The following ADAMTS6 variants were observed in gnomAD, a reference collection of about 807,000 sequenced individuals.
ADAMTS6 encodes A disintegrin and metalloproteinase with thrombospondin motifs 6.
ADAMTS6 carries 23 observed loss-of-function variants against 144.3 expected under a neutral mutation model. The ratio of observed to expected loss-of-function variants is 0.16; its 90% confidence interval spans 0.11 to 0.23. The LOEUF is 0.23. ADAMTS6 is among the 10% of genes least tolerant of loss of function. ADAMTS6 has a pLI of 1.00. For synonymous variants in ADAMTS6, 444 were observed against 457.5 expected, an observed-to-expected ratio of 0.97 and a Z score of 0.38; for missense variants, 999 against 1,379.6, an observed-to-expected ratio of 0.72 and a Z score of 4.37.
At chr5:65,321,429 C>G (rs1745603126) in intron 9 of ADAMTS6, among the ~76,000 whole-genome samples, 1 of 151,872 alleles carries the variant, frequency 6.6e-6, no homozygotes. Flanking sequence ...CTTATATAGG[C>G]TGTATATTAG....
At chr5:65,456,574 A>G (rs1188311308) in intron 4 of ADAMTS6, among the ~76,000 whole-genome samples, 3 of 152,144 alleles carry the variant, frequency 2.0e-5, no homozygotes, top group Non-Finnish European at 4.4e-5. Context: ...TTTCCTCACT[A>G]GAATATAAAC....
intron 7 of ADAMTS6, among the ~76,000 whole-genome samples, chr5:65,382,866 T>C (rs973276761): frequency 1.3e-5 from 2 of 152,204 alleles, no homozygotes; most frequent in African/African-American, 4.8e-5. Context: ...GGGTAATTTA[T>C]AAACAACAGA....
chr5:65,445,244 C>T (rs1347130373), intron 7 of ADAMTS6, among the ~76,000 whole-genome samples: 1 of 152,156 alleles, frequency 6.6e-6, no homozygotes, highest in Non-Finnish European at 1.5e-5. Flanking sequence ...ATAGGTAATG[C>T]CTGAGATAAC....
At position 65,214,242 on chromosome 5, in the gene ADAMTS6, C is replaced by T. The variant is rs1756734405; in HGVS notation, c.2575+552G>A. The T allele has an allele frequency of 5.5e-6, 1 of 182,846 alleles. No individual in the cohort carries two copies. The highest frequency in any genetic ancestry group is 2.4e-5 in the African/African-American group (1 of 41,758). 11.3% of individuals were successfully genotyped at this position (182,846 alleles called of 1,614,324 possible). A position where few individuals can be genotyped will look rare whatever the true frequency, so the allele number is the denominator to read the frequency against. ...CCGCCTAGCAGCTACCTCTGAGGGACTGTAATGGGGTCAGTATACACCATT... is the reference window on the plus strand; with the variant it reads ...CCGCCTAGCAGCTACCTCTGAGGGATTGTAATGGGGTCAGTATACACCATT... On this transcript the variant is annotated intron_variant, in intron 20 of 24. Transcript: ENST00000381055. The surrounding 1 kb of genome is among the most constrained non-coding windows in gnomAD (Gnocchi z 4.6).
At chr5:65,414,500 T>A (rs1755334997) in intron 7 of ADAMTS6, among the ~76,000 whole-genome samples, 1 of 152,086 alleles carries the variant, frequency 6.6e-6, no homozygotes, top group Non-Finnish European at 1.5e-5. Context: ...AACTTTATCT[T>A]AGGGAAAAAA....
At chr5:65,309,024 A>G (rs533395386) in intron 9 of ADAMTS6, among the ~76,000 whole-genome samples, 1 of 150,968 alleles carries the variant, frequency 6.6e-6, no homozygotes, top group African/African-American at 2.4e-5. Flanking sequence ...TGGTGGACAC[A>G]TGGATGTGTG....
At chr5:65,451,716 C>T in intron 6 of ADAMTS6, 96 bp from the exon 7 acceptor site, 1 of 1,430,578 alleles carries the variant, frequency 7.0e-7, no homozygotes, top group Non-Finnish European at 9.6e-7. Context: ...TAATTAGAAG[C>T]AGTGTTTCTA....
chr5:65,321,708 CT>C (rs529236363), intron 9 of ADAMTS6, among the ~76,000 whole-genome samples: 2,130 of 78,840 alleles, frequency 0.027, 7 homozygotes, highest in East Asian at 0.068. Flanking sequence ...TTTTCTTTTC[CT>C]TTTTTTTTTT....
intron 7 of ADAMTS6, among the ~76,000 whole-genome samples, chr5:65,373,141 C>T (rs1277711542): frequency 8.0e-5 from 12 of 149,440 alleles, no homozygotes; most frequent in Non-Finnish European, 7.4e-5. Context: ...ACTAAATGCC[C>T]ACAAGAGAAA....
intron 18 of ADAMTS6, among the ~76,000 whole-genome samples, chr5:65,218,694 A>C (rs1757098565): frequency 3.3e-5 from 5 of 152,328 alleles, no homozygotes. Flanking sequence ...GATAATGGTA[A>C]ATATGTGGGT....
Position 65,372,520 on chromosome 5 carries a change from G to A in ADAMTS6, c.1074-38435C>T, listed in dbSNP as rs879559739. Among the ~76,000 whole-genome samples the A allele has an allele frequency of 4.7e-3, 706 of 150,636 alleles. 3 individuals carry two copies. The highest frequency in any genetic ancestry group is 7.0e-3 in the Non-Finnish European group (473 of 67,216). ...CAAAAGAGACAAAGAAGGCCATTAC[G>A]TAATGGTAAAGGGATCAATTCAACA... On this transcript the variant is annotated intron_variant, in intron 7 of 24. Transcript: ENST00000381055.
At chr5:65,345,758 G>T (rs1355205972) in intron 7 of ADAMTS6, among the ~76,000 whole-genome samples, 1 of 151,670 alleles carries the variant, frequency 6.6e-6, no homozygotes, top group Non-Finnish European at 1.5e-5. Context: ...TCTTTCATAC[G>T]AATGAAAAAT....
At chr5:65,334,135 T>C in intron 7 of ADAMTS6, 50 bp from the exon 8 acceptor site, 2 of 1,472,150 alleles carry the variant, frequency 1.4e-6, no homozygotes, top group Non-Finnish European at 1.8e-6. Context: ...ATTTGTAACA[T>C]ATTTTTCTAT....
chr5:65,149,162 C>G lies in ADAMTS6; in HGVS notation c.*2674G>C, dbSNP rs1752002147. 1 of 152,380 alleles carries G rather than the reference C, an allele frequency of 6.6e-6. No homozygotes were observed. The highest frequency in any genetic ancestry group is 6.5e-5 in the Admixed American group (1 of 15,274). The allele number at this position is 152,380 out of a possible 1,614,324, so 9.4% of individuals were successfully genotyped here. On this transcript the variant is annotated 3_prime_UTR_variant, in exon 25 of 25. Transcript: ENST00000381055. Reference sequence around the variant, plus strand: ...TAGGACTTTATCCCAGTGGCAGATACTGCTCCCAGGTGTAGGGTACCAGTT... The same window carrying G: ...TAGGACTTTATCCCAGTGGCAGATAGTGCTCCCAGGTGTAGGGTACCAGTT...
rs1648017368 is a variant in ADAMTS6 at position 65,149,089 on chromosome 5, A to G, written c.*2747T>C. ...AATGGACTATTTGGAAATCATATGT[A>G]TCTCACGGGGTTTAATCATTAGGGT... On this transcript the variant is annotated 3_prime_UTR_variant, in exon 25 of 25. Transcript: ENST00000381055. 6.6e-6 allele frequency: 1 copy of G among 152,670 alleles called. No homozygotes were observed. The highest frequency in any genetic ancestry group is 2.4e-5 in the African/African-American group (1 of 41,464). 9.5% of individuals were successfully genotyped at this position (152,670 alleles called of 1,614,324 possible). A position where few individuals can be genotyped will look rare whatever the true frequency, so the allele number is the denominator to read the frequency against.
intron 1 of ADAMTS6, among the ~76,000 whole-genome samples, chr5:65,474,571 G>A (rs1465786415): frequency 6.6e-6 from 1 of 151,996 alleles, no homozygotes; most frequent in African/African-American, 2.4e-5. Context: ...TCAACTCTCT[G>A]AAATGTAACT....
intron 9 of ADAMTS6, among the ~76,000 whole-genome samples, chr5:65,303,330 T>A (rs1265641014): frequency 6.6e-6 from 1 of 152,152 alleles, no homozygotes; most frequent in African/African-American, 2.4e-5. Context: ...AGCATTCACA[T>A]CTATAGAAAT....
intron 22 of ADAMTS6, among the ~76,000 whole-genome samples, chr5:65,176,412 A>G (rs1753984922): frequency 6.6e-6 from 1 of 152,254 alleles, no homozygotes; most frequent in African/African-American, 2.4e-5. Context: ...TAAAAGGATT[A>G]TAAGGAGGCA....
chr5:65,214,683 A>T lies in ADAMTS6; in HGVS notation c.2575+111T>A, dbSNP rs1225801728. On this transcript the variant is annotated intron_variant, in intron 20 of 24. Transcript: ENST00000381055. This position sits in a 1 kb window ranked among gnomAD's most constrained non-coding sequence, Gnocchi z 4.6. ...TTTGCTAAATTACAGCTTGAAGCAA[A>T]CCTGCAAGAAATGTTTCCAATTAGC... 6.6e-7 allele frequency: 1 copy of T among 1,517,232 alleles called. No homozygotes were observed. Among genetic ancestry groups the T allele is most frequent in the Non-Finnish European group, 9.1e-7 (1 of 1,101,430 alleles). The allele number at this position is 1,517,232 out of a possible 1,614,324, so 94.0% of individuals were successfully genotyped here.
Sources: allele counts gnomAD v4.1 joint callset (sites outside exome capture counted in the v4.1 genomes callset), GRCh38; gene constraint gnomAD v4.1.1; non-coding constraint Gnocchi (gnomAD v3.1); transcripts MANE v1.5; gene names NCBI Gene and HGNC (gene_info 2026-07-23, HGNC 2026-07-21).